Variants in UNC79 observed in about 807,000 individuals in gnomAD.
UNC79 encodes protein unc-79 homolog.
In UNC79, 37 loss-of-function variants were observed where a neutral mutation model predicts 283.1. The observed-to-expected ratio is 0.13, with a 90% CI of 0.10 to 0.17. The LOEUF (loss-of-function observed/expected upper bound fraction) is 0.17. Ranked by LOEUF, UNC79 falls within the 10% of genes least tolerant of loss-of-function variation. The probability of loss-of-function intolerance (pLI) is 1.00; values close to 1 mark genes in which losing one functional copy is unlikely to be tolerated. For synonymous variants in UNC79, 1,107 were observed against 1,200.2 expected, an observed-to-expected ratio of 0.92 and a Z score of 1.61; for missense variants, 2,272 against 3,211.1, an observed-to-expected ratio of 0.71 and a Z score of 7.07.
chr14:93,687,599 G>T (rs921379145), intron 43 of UNC79, among the ~76,000 whole-genome samples: 1 of 152,156 alleles, frequency 6.6e-6, no homozygotes, highest in Admixed American at 6.5e-5. Flanking sequence ...CTGCTCAGAC[G>T]ATCAAAGTGG....
intron 2 of UNC79, among the ~76,000 whole-genome samples, chr14:93,472,998 A>G (rs535768470): frequency 8.5e-5 from 13 of 152,260 alleles, no homozygotes; most frequent in East Asian, 7.7e-4. Context: ...AACTTCTTCT[A>G]TTTTTAAATT....
At chr14:93,628,042 A>G (rs2067702591) in intron 30 of UNC79, among the ~76,000 whole-genome samples, 1 of 152,184 alleles carries the variant, frequency 6.6e-6, no homozygotes, top group African/African-American at 2.4e-5. Context: ...TTTATTTAGT[A>G]GTAGTATTTT....
exon 18 of UNC79, chr14:93,577,952 C>A (rs199786381): frequency 6.8e-6 from 11 of 1,614,064 alleles, no homozygotes; most frequent in African/African-American, 1.3e-5. Flanking sequence ...CGTTTCGTAG[C>A]CCTTTCAAGA....
chr14:93,350,572 G>C (rs1197697801), intron 1 of UNC79, among the ~76,000 whole-genome samples: 1 of 152,164 alleles, frequency 6.6e-6, no homozygotes, highest in Non-Finnish European at 1.5e-5. Flanking sequence ...AATTAAAAAG[G>C]AAACCATTAT....
At chr14:93,627,732 G>A (rs1422899683) in intron 30 of UNC79, among the ~76,000 whole-genome samples, 1 of 152,298 alleles carries the variant, frequency 6.6e-6, no homozygotes, top group East Asian at 1.9e-4. Context: ...TGAAAGGCAT[G>A]GATTCAGGGA....
At position 93,688,921 on chromosome 14, in the gene UNC79, A is replaced by G. The variant is rs956140885; in HGVS notation, c.7085+81A>G. On this transcript the variant is annotated intron_variant, in intron 44 of 48. Transcript: ENST00000555664. This position sits in a 1 kb window ranked among gnomAD's most constrained non-coding sequence, Gnocchi z 4.0. ...GTTTCCTCGGGCTCAGCTAGAGTTA[A>G]GGAGTACACCGAAGATTTATGACAG... 1 of 1,466,514 alleles carries G rather than the reference A, an allele frequency of 6.8e-7. No individual in the cohort carries two copies. The highest frequency in any genetic ancestry group is 9.2e-7 in the Non-Finnish European group (1 of 1,082,380). The allele number at this position is 1,466,514 out of a possible 1,614,324, so 90.8% of individuals were successfully genotyped here. A position where few individuals can be genotyped will look rare whatever the true frequency, so the allele number is the denominator to read the frequency against.
At chr14:93,380,399 G>A (rs552568602) in intron 1 of UNC79, among the ~76,000 whole-genome samples, 28 of 152,218 alleles carry the variant, frequency 1.8e-4, no homozygotes, top group African/African-American at 5.3e-4. Flanking sequence ...GCCTTTGCTC[G>A]GGGAGACTTC....
Position 93,430,775 on chromosome 14 carries a change from A to G in UNC79, c.-255A>G. ...TCAACGCGGGCAGCTCCAGGAGGGG[A>G]CGGACAGGAAGCCTTTGGCCGCCTA... is the stretch of plus-strand genomic sequence containing the variant. On this transcript the variant is annotated 5_prime_UTR_variant, in exon 1 of 49. Transcript: ENST00000555664. This position sits in a 1 kb window ranked among gnomAD's most constrained non-coding sequence, Gnocchi z 4.6. 4.8e-6 allele frequency: 2 copies of G among 413,610 alleles called. No homozygotes were observed. The highest frequency in any genetic ancestry group is 2.8e-5 in the South Asian group (1 of 35,212). The allele number at this position is 413,610 out of a possible 1,614,324, so 25.6% of individuals were successfully genotyped here. A position where few individuals can be genotyped will look rare whatever the true frequency, so the allele number is the denominator to read the frequency against.
chr14:93,406,516 A>G (rs2055229553), intron 1 of UNC79, among the ~76,000 whole-genome samples: 1 of 152,170 alleles, frequency 6.6e-6, no homozygotes, highest in Non-Finnish European at 1.5e-5. Flanking sequence ...TGAGCCCAGA[A>G]GCTTGAGGCC....
intron 1 of UNC79, among the ~76,000 whole-genome samples, chr14:93,453,354 C>T (rs187011195): frequency 3.0e-4 from 45 of 152,272 alleles, no homozygotes; most frequent in East Asian, 3.9e-4. Flanking sequence ...TATCAGCCTT[C>T]GTATATCCCC....
At chr14:93,454,398 T>G (rs1036399346) in intron 1 of UNC79, among the ~76,000 whole-genome samples, 8 of 152,194 alleles carry the variant, frequency 5.3e-5, no homozygotes, top group African/African-American at 1.9e-4. Context: ...GTATGAAAGC[T>G]AACTAGATGA....
At chr14:93,420,868 A>G (rs957154486) in intron 1 of UNC79, among the ~76,000 whole-genome samples, 1 of 151,802 alleles carries the variant, frequency 6.6e-6, no homozygotes, top group African/African-American at 2.4e-5. Flanking sequence ...TGAGTCAATA[A>G]AGATGTTAAG....
At position 93,524,005 on chromosome 14, in the gene UNC79, T is replaced by C. The variant is rs2060437941; in HGVS notation, c.926T>C (p.Ile309Thr). Residue 309 changes from isoleucine to threonine, a missense_variant, in exon 8 of 49, where the codon ATT becomes ACT. Physicochemically the swap from Ile to Thr is moderately conservative, Grantham distance 89. Transcript: ENST00000555664. Reference sequence around the variant, plus strand: ...TGGAATCCCATCCACTGCCAGCACATTGAATGCCACAATGCAATTAACAAA... The same window carrying C: ...TGGAATCCCATCCACTGCCAGCACACTGAATGCCACAATGCAATTAACAAA... 3.1e-6 allele frequency: 5 copies of C among 1,614,016 alleles called. No homozygotes were observed. The South Asian group carries it at 4.4e-5, about 14-fold the overall frequency.
intron 1 of UNC79, chr14:93,334,582 TTATC>T (rs1454725836): frequency 6.6e-6 from 1 of 152,260 alleles, no homozygotes; most frequent in Non-Finnish European, 1.5e-5. Context: ...TAAGTGAACC[TTATC>T]TAAATTCAAG....
At position 93,430,338 on chromosome 14, in the gene UNC79, G is replaced by C. The variant is rs1395351476; in HGVS notation, c.-692G>C. ...ATCGCAGAGGGGAGGCGAGGGCAGG[G>C]ACCGCAGCGCACAGGGAAGCCATGC... On this transcript the variant is annotated 5_prime_UTR_variant, in exon 1 of 49. Coordinates refer to ENST00000555664, the Ensembl canonical transcript of UNC79. The surrounding 1 kb of genome is among the most constrained non-coding windows in gnomAD (Gnocchi z 4.6). 6.6e-6 allele frequency: 1 copy of C among 152,532 alleles called. No homozygotes were observed. The highest frequency in any genetic ancestry group is 2.4e-5 in the African/African-American group (1 of 41,458). The allele number at this position is 152,532 out of a possible 1,614,324, so 9.4% of individuals were successfully genotyped here.
chr14:93,527,630 C>A (rs1339357105), intron 8 of UNC79, among the ~76,000 whole-genome samples: 2 of 152,046 alleles, frequency 1.3e-5, no homozygotes, highest in Non-Finnish European at 1.5e-5. Context: ...TGATTTCCCC[C>A]CTTCAAATTT....
chr14:93,448,122 T>C (rs2056520250), intron 1 of UNC79, among the ~76,000 whole-genome samples: 1 of 152,056 alleles, frequency 6.6e-6, no homozygotes, highest in Admixed American at 6.5e-5. Context: ...ATCACACATA[T>C]GTACCTCTTA....
chr14:93,702,006 G>T (rs1225377543), intron 47 of UNC79, among the ~76,000 whole-genome samples: 1 of 152,110 alleles, frequency 6.6e-6, no homozygotes, highest in Non-Finnish European at 1.5e-5. Context: ...TTAACAGGAG[G>T]TTAGTTTGGG....
intron 18 of UNC79, 54 bp from the exon 19 acceptor site, chr14:93,580,095 T>A: frequency 6.7e-6 from 10 of 1,495,088 alleles, no homozygotes; most frequent in Non-Finnish European, 9.0e-6. Flanking sequence ...AACTCCTTCT[T>A]CTTCTTTTTT....
Sources: gnomAD v4.1 joint callset for allele counts (sites outside exome capture counted in the v4.1 genomes callset) on GRCh38, gnomAD v4.1.1 for gene constraint, Gnocchi (gnomAD v3.1) non-coding constraint, MANE v1.5 for transcripts, NCBI Gene and HGNC (gene_info 2026-07-23, HGNC 2026-07-21) for gene names.